MSANTD1: variants seen among roughly 807,000 people sequenced by gnomAD.
MSANTD1 encodes the protein Myb/SANT DNA binding domain containing 1.
MSANTD1 carries 7 observed loss-of-function variants against 24.2 expected under a neutral mutation model. The ratio of observed to expected loss-of-function variants is 0.29; its 90% CI spans 0.16 to 0.54. The LOEUF is 0.54. Among genes scored for constraint, MSANTD1 ranks in the 20% least tolerant of loss-of-function variants. MSANTD1 has a pLI of 0.94. For missense variants in MSANTD1, 384 were observed against 408.2 expected, an observed-to-expected ratio of 0.94 and a Z score of 0.51; for synonymous variants, 177 against 181.1, an observed-to-expected ratio of 0.98 and a Z score of 0.18.
Position 3,256,278 on chromosome 4 carries a change from C to A in MSANTD1, c.*313C>A. 1 of 241,242 alleles carries A rather than the reference C, an allele frequency of 4.1e-6. No homozygotes were observed. The highest frequency in any genetic ancestry group is 8.0e-6 in the Non-Finnish European group (1 of 125,732). 14.9% of individuals were successfully genotyped at this position (241,242 alleles called of 1,614,324 possible). A position where few individuals can be genotyped will look rare whatever the true frequency, so the allele number is the denominator to read the frequency against. On this transcript the variant is annotated 3_prime_UTR_variant, in exon 3 of 3. Coordinates refer to ENST00000438480, the MANE Select transcript of MSANTD1 (RefSeq NM_001042690.2). ...TTACTATCAATGATACTTGACGTGG[C>A]TTTGATATTAAACGTATACTTTTTC...
chr4:3,246,698 G>T (rs1228790987), upstream of MSANTD1: 1 of 694,174 alleles, frequency 1.4e-6, no homozygotes, highest in Admixed American at 2.0e-5. Context: ...GCAGGGGACA[G>T]ATGTGGGGAC....
upstream of MSANTD1, chr4:3,249,125 C>G (rs758546665): frequency 1.7e-5 from 19 of 1,127,476 alleles, no homozygotes; most frequent in South Asian, 2.5e-5. Context: ...TGACGTTTCC[C>G]GTTTAAAAGC....
At position 3,254,742 on chromosome 4, in the gene MSANTD1, G is replaced by C. The variant is rs144415742; in HGVS notation, c.597-983G>C. On this transcript the variant is annotated intron_variant, in intron 2 of 2. Coordinates refer to ENST00000438480, the MANE Select transcript of MSANTD1 (RefSeq NM_001042690.2). ...GCCTTTACTCACCACCTCTACCAGA[G>C]CTCTGAGGTCCTGGGGAGAGAGCCC... 6.5e-3 allele frequency among the ~76,000 whole-genome samples: 993 copies of C among 152,356 alleles called. 16 individuals carry two copies. Among genetic ancestry groups the C allele is most frequent in the African/African-American group, 0.023 (936 of 41,582 alleles).
chr4:3,244,684 A>T (rs1162377199), upstream of MSANTD1: 1 of 152,182 alleles, frequency 6.6e-6, no homozygotes, highest in Non-Finnish European at 1.5e-5. Context: ...TGTCTTACCA[A>T]CCTGCAAGAA....
At chr4:3,254,865 G>A (rs1040311448) in intron 2 of MSANTD1, among the ~76,000 whole-genome samples, 2 of 152,190 alleles carry the variant, frequency 1.3e-5, no homozygotes, top group African/African-American at 4.8e-5. Context: ...AGATAAGGGG[G>A]CTCACATCTC....
Position 3,249,306 on chromosome 4 carries a change from GC to G in MSANTD1, c.87del (p.Gly30AlafsTer56), listed in dbSNP as rs1560615776. 3 of 1,538,730 alleles carry G rather than the reference GC, an allele frequency of 1.9e-6. No individual in the cohort carries two copies. Among genetic ancestry groups the G allele is most frequent in the Non-Finnish European group, 2.6e-6 (3 of 1,138,202 alleles). The part of the protein sequence containing the change: ...GASGMAAAEG[P>X]GYLVSPQAEK... ...CCTCCGGCATGGCGGCGGCCGAGGG[GC>G]CCGGCTACCTCGTGTCTCCCCAGGC... is the stretch of plus-strand genomic sequence containing the variant. On this transcript the variant is annotated frameshift_variant, in exon 1 of 3. Coordinates refer to ENST00000438480, the MANE Select transcript of MSANTD1 (RefSeq NM_001042690.2). LOFTEE classifies it high-confidence loss of function.
At position 3,249,565 on chromosome 4, in the gene MSANTD1, C is replaced by T. The variant is rs771742542; in HGVS notation, c.320+23C>T. The T allele has an allele frequency of 1.9e-5, 31 of 1,593,340 alleles. No homozygotes were observed. In the Admixed American group the frequency reaches 4.2e-4, roughly 22 times the overall value. ...CAGGTGGGCGAGCGGGCAGTGTGGGCCCCACCAGGACGGGCGGGCCCGGGC... is the reference window on the plus strand; with the variant it reads ...CAGGTGGGCGAGCGGGCAGTGTGGGTCCCACCAGGACGGGCGGGCCCGGGC... On this transcript the variant is annotated intron_variant, in intron 1 of 2. Transcript: ENST00000438480.
At chr4:3,249,710 C>T (rs1722162236) in intron 1 of MSANTD1, among the ~76,000 whole-genome samples, 168 bp downstream of exon 1, 1 of 152,212 alleles carries the variant, frequency 6.6e-6, no homozygotes, top group South Asian at 2.1e-4. Context: ...AGACGGGGCC[C>T]ACGGAAACCG....
chr4:3,254,987 C>A (rs867296524), intron 2 of MSANTD1, among the ~76,000 whole-genome samples: 6 of 152,200 alleles, frequency 3.9e-5, no homozygotes, highest in African/African-American at 1.2e-4. Context: ...CAGCACCCCC[C>A]ACCCCTGCCT....
At chr4:3,245,645 C>T (rs976229479), upstream of MSANTD1, among the ~76,000 whole-genome samples, 4 of 152,218 alleles carry the variant, frequency 2.6e-5, no homozygotes, top group East Asian at 1.9e-4. Flanking sequence ...GAGGTGGACC[C>T]GGCCTTGTGT....
chr4:3,250,496 A>C (rs1399745616), intron 1 of MSANTD1, among the ~76,000 whole-genome samples: 1 of 152,058 alleles, frequency 6.6e-6, no homozygotes, highest in Non-Finnish European at 1.5e-5. Flanking sequence ...AGGTGCGGTG[A>C]GGGTCTTGCA....
chr4:3,251,127 C>G (rs991229219), intron 1 of MSANTD1, among the ~76,000 whole-genome samples: 9 of 152,200 alleles, frequency 5.9e-5, no homozygotes, highest in Non-Finnish European at 1.3e-4. Flanking sequence ...TTCAGAGGTT[C>G]GGTGGACACA....
chr4:3,246,562 G>T, upstream of MSANTD1: 1 of 623,372 alleles, frequency 1.6e-6, no homozygotes, highest in Non-Finnish European at 2.9e-6. Flanking sequence ...AGCTCCTGCC[G>T]AGGCCTGACC....
Position 3,253,368 on chromosome 4 carries a change from C to G in MSANTD1, c.482C>G (p.Ser161Trp). 1.2e-6 allele frequency: 2 copies of G among 1,611,226 alleles called. No individual in the cohort carries two copies. The highest frequency in any genetic ancestry group is 1.7e-6 in the Non-Finnish European group (2 of 1,178,818). ...ACGTCCCAGACCGAGGCGTCCCTGT[C>G]GCCGCCCGCTAAGTCCACCCCTCTG... is the stretch of plus-strand genomic sequence containing the variant. ...PSTSQTEASLSPPAKSTPLYF... is the reference protein window; with the variant it reads ...PSTSQTEASLWPPAKSTPLYF... Residue 161 changes from serine (S) to tryptophan (W), a missense_variant, in exon 2 of 3, where the codon TCG (serine) becomes TGG (tryptophan). By Grantham distance (177) the Ser-to-Trp change is radical (BLOSUM62 -3). Coordinates refer to ENST00000438480, the MANE Select transcript of MSANTD1 (RefSeq NM_001042690.2).
chr4:3,247,291 G>T (rs1051355865), upstream of MSANTD1, among the ~76,000 whole-genome samples: 2 of 152,150 alleles, frequency 1.3e-5, no homozygotes, highest in South Asian at 4.1e-4. Flanking sequence ...ATGCTGAGTC[G>T]CTAGAGCTGC....
At chr4:3,254,246 T>C (rs530893196) in intron 2 of MSANTD1, among the ~76,000 whole-genome samples, 1 of 152,338 alleles carries the variant, frequency 6.6e-6, no homozygotes, top group East Asian at 1.9e-4. Flanking sequence ...TCTTCAAGTC[T>C]TTCTGACAGG....
upstream of MSANTD1, chr4:3,244,923 C>T (rs189741232): frequency 2.6e-5 from 4 of 152,362 alleles, no homozygotes; most frequent in Admixed American, 6.5e-5. Flanking sequence ...ATCAGTCTGC[C>T]GGAGGGATGT....
rs372326604 is a variant in MSANTD1 at position 3,249,377 on chromosome 4, G to T, written c.155G>T (p.Arg52Leu). ...RARNWTDAEM[R>L]GLMLVWEEFF... is the part of the protein sequence containing the mutation. ...CGCAACTGGACGGACGCCGAGATGC[G>T]CGGCCTCATGCTGGTCTGGGAGGAG... is the stretch of plus-strand genomic sequence containing the variant. Residue 52 changes from arginine (R) to leucine (L), a missense_variant, in exon 1 of 3, where the codon CGC becomes CTC. By Grantham distance (102) the Arg-to-Leu change is moderately radical. Coordinates refer to ENST00000438480, the MANE Select transcript of MSANTD1 (RefSeq NM_001042690.2). The T allele has an allele frequency of 1.3e-6, 2 of 1,577,504 alleles. No individual in the cohort carries two copies. The highest frequency in any genetic ancestry group is 1.7e-6 in the Non-Finnish European group (2 of 1,162,624).
Position 3,255,998 on chromosome 4 carries a change from G to T in MSANTD1, c.*33G>T. 4 of 1,480,708 alleles carry T rather than the reference G, an allele frequency of 2.7e-6. No homozygotes were observed. Among genetic ancestry groups the T allele is most frequent in the South Asian group, 1.4e-5 (1 of 73,688 alleles). The allele number at this position is 1,480,708 out of a possible 1,614,324, so 91.7% of individuals were successfully genotyped here. A position where few individuals can be genotyped will look rare whatever the true frequency, so the allele number is the denominator to read the frequency against. On this transcript the variant is annotated 3_prime_UTR_variant, in exon 3 of 3. Transcript: ENST00000438480. ...GGCGGCGGCGGCGGCGGGGCCGGGC[G>T]GCTGGTGGTACTGCTCAGGCCACCC...
Sources: gnomAD v4.1 joint callset for allele counts (sites outside exome capture counted in the v4.1 genomes callset) on GRCh38, gnomAD v4.1.1 for gene constraint, MANE v1.5 for transcripts, NCBI Gene and HGNC (gene_info 2026-07-23, HGNC 2026-07-21) for gene names.